ARHGAP10: variants seen among roughly 807,000 people sequenced by gnomAD.
ARHGAP10 encodes the protein Rho GTPase activating protein 10.
ARHGAP10 carries 87 observed loss-of-function variants against 108.6 expected under a neutral mutation model. That is an observed-to-expected ratio of 0.80 (90% confidence interval 0.67 to 0.96). The LOEUF is 0.96. ARHGAP10 is among the 40% of genes least tolerant of loss of function. The pLI is 0.00. For missense variants in ARHGAP10, 939 were observed against 954.5 expected, an observed-to-expected ratio of 0.98 and a Z score of 0.21; for synonymous variants, 347 against 341.1, an observed-to-expected ratio of 1.02 and a Z score of -0.19.
intron 1 of ARHGAP10, among the ~76,000 whole-genome samples, chr4:147,811,968 G>A (rs757791114): frequency 1.2e-4 from 19 of 152,194 alleles, no homozygotes; most frequent in Non-Finnish European, 2.6e-4. Flanking sequence ...CCTTATCAAC[G>A]AGGCGGCTGA....
chr4:147,736,653 A>G (rs193237835), intron 1 of ARHGAP10, among the ~76,000 whole-genome samples: 202 of 152,360 alleles, frequency 1.3e-3, no homozygotes, highest in African/African-American at 4.6e-3. Flanking sequence ...CATCCTTTTC[A>G]GATGACTCAG....
chr4:147,738,019 GTT>G (rs1194373271), intron 1 of ARHGAP10, among the ~76,000 whole-genome samples: 3 of 135,812 alleles, frequency 2.2e-5, no homozygotes, highest in African/African-American at 2.7e-5. Flanking sequence ...TGTTGTTGTT[GTT>G]TTTTTTTTTT....
chr4:147,799,232 G>A (rs1200977504), intron 1 of ARHGAP10, among the ~76,000 whole-genome samples: 1 of 151,918 alleles, frequency 6.6e-6, no homozygotes, highest in East Asian at 1.9e-4. Flanking sequence ...ACGGGATGGG[G>A]TTTTGCCATG....
chr4:147,792,501 T>C (rs1395172339), intron 1 of ARHGAP10, among the ~76,000 whole-genome samples: 1 of 152,204 alleles, frequency 6.6e-6, no homozygotes, highest in African/African-American at 2.4e-5. Flanking sequence ...TATAATATAA[T>C]GAACACCTAC....
At chr4:147,857,387 TTAAGCAGTAGG>T in intron 4 of ARHGAP10, among the ~76,000 whole-genome samples, 155 bp from the exon 5 acceptor site, 1 of 152,248 alleles carries the variant, frequency 6.6e-6, no homozygotes, top group Non-Finnish European at 1.5e-5. Context: ...GTCTTGATGA[TTAAGCAGTAGG>T]CTTGGTACAG....
At chr4:147,776,300 A>G (rs556949830) in intron 1 of ARHGAP10, among the ~76,000 whole-genome samples, 97 of 151,704 alleles carry the variant, frequency 6.4e-4, no homozygotes, top group African/African-American at 2.2e-3. Context: ...GCTCACTGCA[A>G]CCTCTGCCTC....
intron 18 of ARHGAP10, among the ~76,000 whole-genome samples, chr4:147,992,411 A>C (rs1740311319): frequency 6.6e-6 from 1 of 151,996 alleles, no homozygotes; most frequent in Non-Finnish European, 1.5e-5. Flanking sequence ...TGTATTTTTA[A>C]ATTTAATTTT....
At chr4:147,809,014 T>C (rs2126769425) in intron 1 of ARHGAP10, 1 of 152,366 alleles carries the variant, frequency 6.6e-6, no homozygotes, top group South Asian at 2.1e-4. Flanking sequence ...CTGGCTGTAG[T>C]GTAGTGTGCG....
Position 147,948,772 on chromosome 4 carries a change from C to T in ARHGAP10, c.1391+2068C>T, listed in dbSNP as rs560994475. On this transcript the variant is annotated intron_variant, in intron 15 of 22. Transcript: ENST00000336498. ...GAGATCAAGACCATCCTTGCTAACA[C>T]GGTGAAACCCCGTCTCTACTAAAAA... Among the ~76,000 whole-genome samples, 191 of 151,422 alleles carry T rather than the reference C, an allele frequency of 1.3e-3. 2 individuals carry two copies. Among genetic ancestry groups the T allele is most frequent in the African/African-American group, 4.4e-3 (180 of 41,176 alleles).
chr4:147,965,744 C>T (rs1739180329), intron 17 of ARHGAP10, among the ~76,000 whole-genome samples: 1 of 152,098 alleles, frequency 6.6e-6, no homozygotes, highest in Non-Finnish European at 1.5e-5. Context: ...TTCATTTGGT[C>T]AACAAATATT....
intron 19 of ARHGAP10, among the ~76,000 whole-genome samples, chr4:148,025,282 A>G (rs571567802): frequency 2.7e-4 from 41 of 152,028 alleles, no homozygotes; most frequent in African/African-American, 8.2e-4. Context: ...TTTTATGTTC[A>G]TTATTTGCAT....
At chr4:147,889,553 G>A (rs998276354) in intron 10 of ARHGAP10, among the ~76,000 whole-genome samples, 1 of 152,210 alleles carries the variant, frequency 6.6e-6, no homozygotes, top group Non-Finnish European at 1.5e-5. Context: ...GCCTGCCTCT[G>A]CCTCCCAAAG....
chr4:148,046,821 C>A, intron 19 of ARHGAP10, 71 bp from the exon 20 acceptor site: 1 of 1,437,836 alleles, frequency 7.0e-7, no homozygotes. Flanking sequence ...CAAGTAACAC[C>A]ATATAATTAT....
At chr4:147,822,606 G>A in intron 1 of ARHGAP10, 121 bp from the exon 2 acceptor site, 3 of 973,560 alleles carry the variant, frequency 3.1e-6, no homozygotes, top group East Asian at 2.6e-5. Flanking sequence ...GTTGGGTCAT[G>A]CCTTCTCATA....
chr4:147,917,101 T>A (rs2126927526), intron 13 of ARHGAP10: 1 of 152,366 alleles, frequency 6.6e-6, no homozygotes, highest in African/African-American at 2.4e-5. Context: ...AAAGATCGCA[T>A]GCACTTGGAA....
In ARHGAP10 at chr4:147,864,870, C is replaced by A. The variant is rs775350718; in HGVS notation, c.511C>A (p.Arg171=). The A allele has an allele frequency of 6.2e-7, 1 of 1,613,698 alleles. No homozygotes were observed. Among genetic ancestry groups the A allele is most frequent in the Admixed American group, 1.7e-5 (1 of 59,944 alleles). ...QEADIQVEQN[R]QHFYELSLEY... ...GGCAGATATCCAAGTAGAGCAGAAC[C>A]GGCAACACTTCTATGAACTGTCTCT... The change falls in exon 6 of 23, where the codon CGG becomes AGG. Residue 171 remains arginine, a synonymous_variant. Coordinates refer to ENST00000336498, the MANE Select transcript of ARHGAP10 (RefSeq NM_024605.4).
intron 16 of ARHGAP10, among the ~76,000 whole-genome samples, chr4:147,959,562 C>T (rs1385524235): frequency 1.3e-5 from 2 of 152,082 alleles, no homozygotes; most frequent in Non-Finnish European, 2.9e-5. Flanking sequence ...GTTCCCCTTC[C>T]TGTGTCCAAG....
chr4:147,758,963 ACT>A (rs1729484273), intron 1 of ARHGAP10, among the ~76,000 whole-genome samples: 1 of 136,676 alleles, frequency 7.3e-6, no homozygotes, highest in African/African-American at 2.8e-5. Context: ...TGGGTAACAG[ACT>A]CTGTCTCAAA....
intron 18 of ARHGAP10, among the ~76,000 whole-genome samples, chr4:147,999,748 G>A (rs1175753938): frequency 6.6e-6 from 1 of 152,136 alleles, no homozygotes; most frequent in Non-Finnish European, 1.5e-5. Flanking sequence ...GAGAACACGA[G>A]GCTTGCCACC....
Sources: gnomAD v4.1 joint callset for allele counts (sites outside exome capture counted in the v4.1 genomes callset) on GRCh38, gnomAD v4.1.1 for gene constraint, MANE v1.5 for transcripts, NCBI Gene and HGNC (gene_info 2026-07-23, HGNC 2026-07-21) for gene names.